Variants in LARGE1 observed in about 807,000 individuals in gnomAD.
The protein encoded by LARGE1 is LARGE xylosyl- and glucuronyltransferase 1, also known as xylosyl- and glucuronyltransferase LARGE1.
A neutral mutation model predicts 87.6 loss-of-function variants in LARGE1; 43 were observed. The ratio of observed to expected loss-of-function variants is 0.49; its 90% CI spans 0.38 to 0.63. The LOEUF (loss-of-function observed/expected upper bound fraction) is 0.63. Ranked by LOEUF, LARGE1 falls within the 30% of genes least tolerant of loss-of-function variation. LARGE1 has a pLI of 0.00. For synonymous variants in LARGE1, 434 were observed against 394.6 expected (o/e 1.10, Z -1.18); for missense variants, 802 against 1,000.2 (o/e 0.80, Z 2.67).
At chr22:33,843,194 G>A (rs999639294) in intron 1 of LARGE1, among the ~76,000 whole-genome samples, 7 of 152,068 alleles carry the variant, frequency 4.6e-5, no homozygotes, top group South Asian at 4.1e-4. Flanking sequence ...CGCCCTGTGC[G>A]TGTGAACATC....
intron 3 of LARGE1, among the ~76,000 whole-genome samples, chr22:33,639,329 A>C (rs73400714): frequency 0.053 from 7,997 of 152,268 alleles, 632 homozygotes; most frequent in African/African-American, 0.18. Flanking sequence ...GAGGGACCCC[A>C]TACCAGAACC....
intron 7 of LARGE1, among the ~76,000 whole-genome samples, chr22:33,397,096 C>A (rs780886657): frequency 5.3e-5 from 8 of 152,084 alleles, no homozygotes; most frequent in African/African-American, 1.9e-4. Flanking sequence ...TACCCAATAT[C>A]TTGCCATCAT....
chr22:33,304,938 G>T (rs912721353), intron 11 of LARGE1, among the ~76,000 whole-genome samples: 3 of 152,178 alleles, frequency 2.0e-5, no homozygotes, highest in Admixed American at 6.5e-5. Context: ...ACAAGGAACG[G>T]TAAAATAAAC....
the LARGE1 span, among the ~76,000 whole-genome samples, chr22:33,093,796 C>G: frequency 6.7e-6 from 1 of 148,762 alleles, no homozygotes; most frequent in Admixed American, 6.7e-5. Flanking sequence ...GTCAGAAAGT[C>G]CTTGATTCTT....
intron 9 of LARGE1, among the ~76,000 whole-genome samples, chr22:33,356,080 A>C (rs567038043): frequency 2.8e-4 from 42 of 152,286 alleles, no homozygotes; most frequent in African/African-American, 8.7e-4. Flanking sequence ...AACAGCTCTT[A>C]GAACTGTTTG....
At chr22:33,153,082 C>T in the LARGE1 span, among the ~76,000 whole-genome samples, 1 of 152,056 alleles carries the variant, frequency 6.6e-6, no homozygotes, top group Admixed American at 6.5e-5. Flanking sequence ...TTTTATTTTC[C>T]GTATTTATCA....
chr22:33,605,291 T>C (rs2079222151), intron 4 of LARGE1, among the ~76,000 whole-genome samples: 1 of 152,112 alleles, frequency 6.6e-6, no homozygotes, highest in Non-Finnish European at 1.5e-5. Flanking sequence ...AACTTCATTA[T>C]GCCCTGAACA....
At chr22:33,080,933 T>A in the LARGE1 span, among the ~76,000 whole-genome samples, 2 of 149,188 alleles carry the variant, frequency 1.3e-5, no homozygotes, top group Non-Finnish European at 3.0e-5. Flanking sequence ...CATCTGCTCA[T>A]CCGTTCATCC....
intron 9 of LARGE1, among the ~76,000 whole-genome samples, chr22:33,359,949 C>T (rs2064323698): frequency 6.7e-6 from 1 of 149,488 alleles, no homozygotes; most frequent in Non-Finnish European, 1.5e-5. Context: ...TAAGGAACAT[C>T]TGAGCCCATA....
chr22:33,321,398 G>C (rs1175047410), intron 10 of LARGE1, among the ~76,000 whole-genome samples: 1 of 152,168 alleles, frequency 6.6e-6, no homozygotes, highest in Non-Finnish European at 1.5e-5. Context: ...CTTTCCCCTT[G>C]AGGGCCTAAA....
At chr22:33,085,157 T>G in the LARGE1 span, among the ~76,000 whole-genome samples, 1 of 152,158 alleles carries the variant, frequency 6.6e-6, no homozygotes, top group Non-Finnish European at 1.5e-5. Flanking sequence ...GCACCTGTAG[T>G]CCCAGCTGCT....
chr22:33,647,672 C>A (rs994310621), intron 3 of LARGE1, among the ~76,000 whole-genome samples: 3 of 152,226 alleles, frequency 2.0e-5, no homozygotes, highest in African/African-American at 7.2e-5. Flanking sequence ...GCAGTGAAAT[C>A]TAAGACTGAT....
chr22:33,726,506 G>A (rs188453774), intron 2 of LARGE1, among the ~76,000 whole-genome samples: 5 of 152,222 alleles, frequency 3.3e-5, no homozygotes, highest in Admixed American at 6.5e-5. Context: ...AATATTCACC[G>A]TACAAATCCT....
intron 1 of LARGE1, among the ~76,000 whole-genome samples, chr22:33,821,147 T>C (rs937336126): frequency 3.3e-5 from 5 of 152,202 alleles, no homozygotes; most frequent in African/African-American, 9.7e-5. Flanking sequence ...AATTGCTTCA[T>C]GGCTGGCAGA....
chr22:33,859,185 A>G (rs1202460396), intron 1 of LARGE1, among the ~76,000 whole-genome samples: 1 of 152,222 alleles, frequency 6.6e-6, no homozygotes, highest in Non-Finnish European at 1.5e-5. Flanking sequence ...AACTTAAAGT[A>G]TAATTAAAAA....
At chr22:33,441,655 C>T (rs1383317709) in intron 6 of LARGE1, among the ~76,000 whole-genome samples, 2 of 152,036 alleles carry the variant, frequency 1.3e-5, no homozygotes, top group African/African-American at 2.4e-5. Flanking sequence ...ATGGGGGTCT[C>T]GCTATGTCGC....
At chr22:33,721,906 A>G (rs1482699028) in intron 2 of LARGE1, among the ~76,000 whole-genome samples, 2 of 152,078 alleles carry the variant, frequency 1.3e-5, no homozygotes, top group African/African-American at 4.8e-5. Context: ...TGTCTTTGGT[A>G]TATTGTTTTA....
chr22:33,843,636 T>A (rs1212103871), intron 1 of LARGE1, among the ~76,000 whole-genome samples: 3 of 151,964 alleles, frequency 2.0e-5, no homozygotes, highest in East Asian at 3.9e-4. Context: ...GCCCTCCCTG[T>A]ACCCACAACC....
rs1331200339 is a variant in LARGE1 at position 33,823,462 on chromosome 22, T to C, written c.-82-61904A>G. 2.0e-5 allele frequency among the ~76,000 whole-genome samples: 3 copies of C among 152,172 alleles called. 1 individual carries two copies. The highest frequency in any genetic ancestry group is 2.0e-4 in the Admixed American group (3 of 15,282). On this transcript the variant is annotated intron_variant, in intron 1 of 14. Coordinates refer to ENST00000397394, the MANE Select transcript of LARGE1 (RefSeq NM_133642.5). ...TCTCAGTTAACCATCTTGCTATCTA[T>C]CAGGAAGTAAAAAATAATTACAATA... is the stretch of plus-strand genomic sequence containing the variant.
Sources: gnomAD v4.1 joint callset for allele counts (sites outside exome capture counted in the v4.1 genomes callset) on GRCh38, gnomAD v4.1.1 for gene constraint, MANE v1.5 for transcripts, NCBI Gene and HGNC (gene_info 2026-07-23, HGNC 2026-07-21) for gene names.